Variants in PCDH11X observed in about 807,000 individuals in gnomAD.
PCDH11X encodes the protein protocadherin 11 X-linked, also known as protocadherin-11 X-linked.
PCDH11X carries 18 observed loss-of-function variants against 53.3 expected under a neutral mutation model. The observed-to-expected ratio is 0.34, with a 90% CI of 0.23 to 0.50. PCDH11X has a LOEUF of 0.50. Ranked by LOEUF, PCDH11X falls within the 20% of genes least tolerant of loss-of-function variation. The probability of loss-of-function intolerance (pLI) is 0.98; values close to 1 mark genes in which losing one functional copy is unlikely to be tolerated. For missense variants in PCDH11X, 570 were observed against 1,032.4 expected (o/e 0.55, Z 6.14); for synonymous variants, 279 against 393.3 (o/e 0.71, Z 3.44).
At chrX:92,246,944 T>C (rs997848071) in intron 7 of PCDH11X, among the ~76,000 whole-genome samples, 2 of 111,668 alleles carry the variant, frequency 1.8e-5, no homozygotes, top group Non-Finnish European at 3.8e-5. Context: ...GTGTATGTTG[T>C]TGTTATTCCA....
chrX:92,012,020 T>C (rs1209541726), intron 6 of PCDH11X, among the ~76,000 whole-genome samples: 2 of 111,401 alleles, frequency 1.8e-5, no homozygotes, highest in Non-Finnish European at 3.8e-5. Flanking sequence ...TTTTATGTGA[T>C]AGTTTTTTCA....
chrX:91,851,678 G>A (rs184715246), intron 5 of PCDH11X, among the ~76,000 whole-genome samples: 8 of 111,787 alleles, frequency 7.2e-5, no homozygotes, highest in East Asian at 2.8e-4. Flanking sequence ...TTGACAGGTC[G>A]GCTGAGGAAA....
chrX:92,418,172 ACT>A (rs748108013), intron 9 of PCDH11X, among the ~76,000 whole-genome samples: 9 of 103,697 alleles, frequency 8.7e-5, no homozygotes, highest in African/African-American at 3.1e-4. Context: ...TAACATCCTT[ACT>A]ATTACTAGTA....
chrX:92,493,847 G>A (rs1603346463), intron 10 of PCDH11X, among the ~76,000 whole-genome samples: 2 of 106,966 alleles, frequency 1.9e-5, no homozygotes, highest in African/African-American at 3.4e-5. Context: ...GGGTTTCACC[G>A]TGTTGCCCAG....
At position 92,314,227 on chromosome X, in the gene PCDH11X, AT is replaced by A. The variant is rs768222321; in HGVS notation, c.3144+51090del. On this transcript the variant is annotated intron_variant, in intron 8 of 10. Coordinates refer to ENST00000682573, the MANE Select transcript of PCDH11X (RefSeq NM_032968.5). ...GACTTTTTCTGTTTTTAACATTTTG[AT>A]TTTTTAAACTGTTTTGTTAAAAAAT... Among the ~76,000 whole-genome samples the A allele has an allele frequency of 1.9e-4, 21 of 111,513 alleles. No individual in the cohort carries two copies. The East Asian group carries it at 5.3e-3, about 28-fold the overall frequency.
chrX:92,092,905 C>T (rs772800794), intron 6 of PCDH11X, among the ~76,000 whole-genome samples: 5 of 111,113 alleles, frequency 4.5e-5, no homozygotes, highest in South Asian at 3.9e-4. Flanking sequence ...ATGATGGGGG[C>T]GGTTTCTCAT....
At chrX:91,905,367 G>C (rs74528434) in intron 6 of PCDH11X, among the ~76,000 whole-genome samples, 135 of 110,316 alleles carry the variant, frequency 1.2e-3, no homozygotes, top group Non-Finnish European at 2.1e-3. Context: ...TTAAAAGTCA[G>C]CTTTCATGAT....
In PCDH11X at chrX:91,890,493, A is replaced by C. The variant is rs1256952036; in HGVS notation, c.3033+11220A>C. Among the ~76,000 whole-genome samples, 3 of 110,285 alleles carry C rather than the reference A, an allele frequency of 2.7e-5. No homozygotes were observed. In the East Asian group the frequency reaches 8.6e-4, roughly 32 times the overall value. On this transcript the variant is annotated intron_variant, in intron 6 of 10. Transcript: ENST00000682573. ...AAATGATCACAGATCCAGTAATGTTAAAGTACATATAAAAAATTAAATTGA... is the reference window on the plus strand; with the variant it reads ...AAATGATCACAGATCCAGTAATGTTCAAGTACATATAAAAAATTAAATTGA...
At chrX:92,270,259 G>A (rs763563134) in intron 8 of PCDH11X, among the ~76,000 whole-genome samples, 99 of 109,743 alleles carry the variant, frequency 9.0e-4, no homozygotes, top group East Asian at 2.9e-3. Context: ...GATTACAGGC[G>A]CCCACCACCA....
At position 92,436,529 on chromosome X, in the gene PCDH11X, G is replaced by C. The variant is rs1177624510; in HGVS notation, c.3344-31770G>C. Among the ~76,000 whole-genome samples, 5 of 111,350 alleles carry C rather than the reference G, an allele frequency of 4.5e-5. No individual in the cohort carries two copies. The Admixed American group carries it at 4.8e-4, about 11-fold the overall frequency. On this transcript the variant is annotated intron_variant, in intron 9 of 10. Transcript: ENST00000682573. ...AACATAGAGAAACATGCACACAAAT[G>C]TTCACTGCAGCACTATTCACAATAG... is the stretch of plus-strand genomic sequence containing the variant.
At chrX:92,485,516 G>T (rs1370787803) in intron 10 of PCDH11X, among the ~76,000 whole-genome samples, 1 of 111,288 alleles carries the variant, frequency 9.0e-6, no homozygotes, top group African/African-American at 3.3e-5. Flanking sequence ...AGTAATCAAT[G>T]AAATTTCAGT....
chrX:91,823,905 A>T (rs1204330517), intron 4 of PCDH11X, among the ~76,000 whole-genome samples: 1 of 110,344 alleles, frequency 9.1e-6, no homozygotes, highest in Admixed American at 9.7e-5. Flanking sequence ...GCTTGTCTGT[A>T]AAGTATTTTA....
intron 10 of PCDH11X, among the ~76,000 whole-genome samples, chrX:92,601,301 G>A (rs902674647): frequency 3.0e-5 from 3 of 101,361 alleles, no homozygotes; most frequent in Admixed American, 1.1e-4. Context: ...TAATCTCCAC[G>A]TGTTGTGGGA....
intron 6 of PCDH11X, among the ~76,000 whole-genome samples, chrX:92,143,777 G>C (rs2065227300): frequency 8.9e-6 from 1 of 111,743 alleles, no homozygotes; most frequent in Non-Finnish European, 1.9e-5. Context: ...GAGGGCCACT[G>C]TCCTCCAGAC....
chrX:92,239,228 G>T (rs1486727864), intron 7 of PCDH11X, among the ~76,000 whole-genome samples: 1 of 111,036 alleles, frequency 9.0e-6, no homozygotes, highest in South Asian at 3.7e-4. Context: ...TATGTAATTT[G>T]TTACCATAAA....
intron 6 of PCDH11X, among the ~76,000 whole-genome samples, chrX:91,899,204 G>T (rs905713506): frequency 2.7e-5 from 3 of 110,866 alleles, no homozygotes; most frequent in African/African-American, 9.8e-5. Flanking sequence ...AGTCGACAGT[G>T]CAACCTTCAG....
At chrX:92,252,720 C>T (rs1269940879) in intron 7 of PCDH11X, among the ~76,000 whole-genome samples, 1 of 110,455 alleles carries the variant, frequency 9.1e-6, no homozygotes, top group Non-Finnish European at 1.9e-5. Context: ...AATCTGTGCT[C>T]AGTAAATACA....
At chrX:92,572,684 G>A (rs1970903967) in intron 10 of PCDH11X, among the ~76,000 whole-genome samples, 1 of 105,246 alleles carries the variant, frequency 9.5e-6, no homozygotes, top group Non-Finnish European at 2.0e-5. Context: ...AGGAGTTTGA[G>A]ACCAGCCTGG....
At chrX:91,812,544 T>C (rs1472354325) in intron 4 of PCDH11X, among the ~76,000 whole-genome samples, 2 of 111,156 alleles carry the variant, frequency 1.8e-5, no homozygotes, top group African/African-American at 6.5e-5. Context: ...CTGTTCTCTT[T>C]GTGTGTCTAT....
Sources: allele counts gnomAD v4.1 joint callset (sites outside exome capture counted in the v4.1 genomes callset), GRCh38; gene constraint gnomAD v4.1.1; transcripts MANE v1.5; gene names NCBI Gene and HGNC (gene_info 2026-07-23, HGNC 2026-07-21).